Variants in TCERG1L observed in about 807,000 individuals in gnomAD.
TCERG1L encodes the protein transcription elongation regulator 1-like protein.
TCERG1L carries 37 observed loss-of-function variants against 56.3 expected under a neutral mutation model. The observed-to-expected ratio is 0.66, with a 90% confidence interval of 0.51 to 0.87. TCERG1L has a LOEUF of 0.87. Ranked by LOEUF, TCERG1L falls within the 40% of genes least tolerant of loss-of-function variation. TCERG1L has a pLI of 0.00. For missense variants in TCERG1L, 799 were observed against 774.2 expected (o/e 1.03, Z -0.38); for synonymous variants, 324 against 326.3 (o/e 0.99, Z 0.08).
chr10:131,308,203 G>A lies in TCERG1L; in HGVS notation c.670+8C>T. ...AACAGACATTGTCAATGTTATTTGGGCACCAACCTGGGATGGGCTGAGGTG... is the reference window on the plus strand; with the variant it reads ...AACAGACATTGTCAATGTTATTTGGACACCAACCTGGGATGGGCTGAGGTG... On this transcript the variant is annotated splice_region_variant and intron_variant, in intron 3 of 11. Transcript: ENST00000368642. 1.3e-6 allele frequency: 2 copies of A among 1,593,606 alleles called. No individual in the cohort carries two copies. Among genetic ancestry groups the A allele is most frequent in the Non-Finnish European group, 1.7e-6 (2 of 1,171,596 alleles).
intron 4 of TCERG1L, among the ~76,000 whole-genome samples, chr10:131,243,933 C>T (rs1199643636): frequency 2.6e-5 from 4 of 152,210 alleles, no homozygotes; most frequent in Admixed American, 1.3e-4. Flanking sequence ...GCTACATAAA[C>T]AGCCATTATT....
intron 4 of TCERG1L, among the ~76,000 whole-genome samples, chr10:131,244,823 A>G (rs914571352): frequency 1.3e-5 from 2 of 152,126 alleles, no homozygotes; most frequent in African/African-American, 4.8e-5. Context: ...TCCCCCAGGG[A>G]GAGAAGACAT....
At chr10:131,223,536 C>A (rs943666517) in intron 4 of TCERG1L, among the ~76,000 whole-genome samples, 3 of 152,076 alleles carry the variant, frequency 2.0e-5, no homozygotes, top group South Asian at 4.1e-4. Flanking sequence ...AAACATACTT[C>A]TGTGCCTTTT....
intron 4 of TCERG1L, among the ~76,000 whole-genome samples, chr10:131,235,835 T>C (rs1845906932): frequency 6.6e-6 from 1 of 152,254 alleles, no homozygotes; most frequent in Non-Finnish European, 1.5e-5. Flanking sequence ...TCTTGCTCTG[T>C]ACTTCTGTTG....
At chr10:131,286,099 C>G (rs945826081) in intron 3 of TCERG1L, among the ~76,000 whole-genome samples, 2 of 152,100 alleles carry the variant, frequency 1.3e-5, no homozygotes, top group Non-Finnish European at 2.9e-5. Flanking sequence ...AAAGAAATCT[C>G]ACTCCTGAAC....
intron 4 of TCERG1L, among the ~76,000 whole-genome samples, chr10:131,220,453 G>A (rs961867426): frequency 6.6e-6 from 1 of 152,208 alleles, no homozygotes; most frequent in African/African-American, 2.4e-5. Context: ...GACTCACAAG[G>A]GGCACATGGG....
intron 4 of TCERG1L, among the ~76,000 whole-genome samples, chr10:131,186,148 A>C (rs1442231898): frequency 4.6e-5 from 7 of 152,234 alleles, no homozygotes. Flanking sequence ...TGAAATGTGC[A>C]GAATAGGTAA....
At chr10:131,285,414 A>G (rs1168445089) in intron 3 of TCERG1L, among the ~76,000 whole-genome samples, 39 of 96,134 alleles carry the variant, frequency 4.1e-4, no homozygotes, top group African/African-American at 5.6e-4. Flanking sequence ...AAGGAAGGAA[A>G]GAGAGAGAGA....
chr10:131,253,534 C>T (rs752022814), intron 4 of TCERG1L, among the ~76,000 whole-genome samples: 7 of 152,130 alleles, frequency 4.6e-5, no homozygotes, highest in Non-Finnish European at 8.8e-5. Context: ...TCAGAGATTC[C>T]GGTTAATGCT....
chr10:131,251,315 C>T (rs979910070), intron 4 of TCERG1L, among the ~76,000 whole-genome samples: 1 of 151,826 alleles, frequency 6.6e-6, no homozygotes, highest in Non-Finnish European at 1.5e-5. Flanking sequence ...CCCCCCGGCC[C>T]CTCCTCCCAG....
At position 131,245,882 on chromosome 10, in the gene TCERG1L, G is replaced by A. The variant is rs529406945; in HGVS notation, c.856+14377C>T. On this transcript the variant is annotated intron_variant, in intron 4 of 11. Transcript: ENST00000368642. ...GTCCTGCAAGGGCCTGGGTGGCAGA[G>A]GCCTCGGGTGGATGGGAGTGTAGGT... 4.6e-5 allele frequency among the ~76,000 whole-genome samples: 7 copies of A among 152,298 alleles called. No individual in the cohort carries two copies. In the South Asian group the frequency reaches 1.5e-3, roughly 32 times the overall value.
At chr10:131,296,741 G>C (rs1564836335) in intron 3 of TCERG1L, among the ~76,000 whole-genome samples, 2 of 152,172 alleles carry the variant, frequency 1.3e-5, no homozygotes, top group South Asian at 4.1e-4. Flanking sequence ...GAGCCTTCCA[G>C]TCTATCCCTC....
chr10:131,238,601 G>A (rs371040866), intron 4 of TCERG1L, among the ~76,000 whole-genome samples: 3 of 152,208 alleles, frequency 2.0e-5, no homozygotes, highest in East Asian at 3.9e-4. Flanking sequence ...CTTCCTCCAT[G>A]TTCATTATCT....
intron 4 of TCERG1L, among the ~76,000 whole-genome samples, chr10:131,233,879 T>C (rs1289563584): frequency 3.9e-5 from 6 of 152,192 alleles, no homozygotes. Flanking sequence ...CTGTTCTCTG[T>C]AGTGAATGCA....
chr10:131,261,613 T>TATCGTC (rs1333680905), intron 3 of TCERG1L, among the ~76,000 whole-genome samples: 1 of 152,218 alleles, frequency 6.6e-6, no homozygotes, highest in Non-Finnish European at 1.5e-5. Context: ...TCCTGCAATG[T>TATCGTC]ATCGTCATTC....
At chr10:131,262,660 T>C (rs981358117) in intron 3 of TCERG1L, among the ~76,000 whole-genome samples, 5 of 152,298 alleles carry the variant, frequency 3.3e-5, no homozygotes, top group African/African-American at 1.2e-4. Flanking sequence ...TTATTAACTA[T>C]GGCCACGGTG....
intron 3 of TCERG1L, among the ~76,000 whole-genome samples, chr10:131,303,698 T>A (rs2944488): frequency 0.3 from 44,836 of 151,972 alleles, 7,140 homozygotes; most frequent in Non-Finnish European, 0.34. Flanking sequence ...TGCTTAAGAA[T>A]CTTTCTATGT....
chr10:131,277,999 A>C (rs1269296186), intron 3 of TCERG1L, among the ~76,000 whole-genome samples: 1 of 152,146 alleles, frequency 6.6e-6, no homozygotes, highest in African/African-American at 2.4e-5. Context: ...TCCCCAAAAC[A>C]GGGCTCTGGA....
intron 4 of TCERG1L, among the ~76,000 whole-genome samples, chr10:131,189,469 G>T (rs1012576091): frequency 2.6e-5 from 4 of 152,134 alleles, no homozygotes; most frequent in Non-Finnish European, 5.9e-5. Flanking sequence ...TTAACTTGAT[G>T]ACCTCCAGTT....
Sources: allele counts gnomAD v4.1 joint callset (sites outside exome capture counted in the v4.1 genomes callset), GRCh38; gene constraint gnomAD v4.1.1; transcripts MANE v1.5; gene names NCBI Gene and HGNC (gene_info 2026-07-23, HGNC 2026-07-21).